PXK: variants seen among roughly 807,000 people sequenced by gnomAD.
The protein encoded by PXK is PX domain-containing protein kinase-like protein.
Under a neutral mutation model 84.7 loss-of-function variants are expected in PXK, and 35 were observed. The ratio of observed to expected loss-of-function variants is 0.41; its 90% CI spans 0.32 to 0.55. The LOEUF is 0.55. PXK is among the 20% of genes least tolerant of loss of function. The probability of loss-of-function intolerance (pLI) is 0.21; values close to 1 mark genes in which losing one functional copy is unlikely to be tolerated. For missense variants in PXK, 634 were observed against 699.7 expected, an observed-to-expected ratio of 0.91 and a Z score of 1.06; for synonymous variants, 253 against 260.8, an observed-to-expected ratio of 0.97 and a Z score of 0.29.
chr3:58,420,463 T>G, intron 17 of PXK: 1 of 1,493,420 alleles, frequency 6.7e-7, no homozygotes, highest in Non-Finnish European at 9.0e-7. Context: ...CTGTTACTAT[T>G]TGATTAAATG....
chr3:58,359,954 C>A (rs2098153166), intron 1 of PXK, among the ~76,000 whole-genome samples: 2 of 152,072 alleles, frequency 1.3e-5, no homozygotes, highest in Non-Finnish European at 2.9e-5. Flanking sequence ...TCGAGACCAG[C>A]CTGAGCAACA....
Position 58,385,135 on chromosome 3 carries a change from C to A in PXK, c.388+2435C>A, listed in dbSNP as rs1425925658. 6.6e-6 allele frequency among the ~76,000 whole-genome samples: 1 copy of A among 152,150 alleles called. No homozygotes were observed. The highest frequency in any genetic ancestry group is 1.9e-4 in the East Asian group (1 of 5,198). ...CTTTGATCTCTACTCCCCCTCCCCACCCCCAGGCCTCCAGCATGGTAGAGA... is the reference window on the plus strand; with the variant it reads ...CTTTGATCTCTACTCCCCCTCCCCAACCCCAGGCCTCCAGCATGGTAGAGA... On this transcript the variant is annotated intron_variant, in intron 4 of 17. Transcript: ENST00000356151. The surrounding 1 kb of genome is among the most constrained non-coding windows in gnomAD (Gnocchi z 5.1).
At chr3:58,367,558 T>C (rs1437343391) in intron 2 of PXK, among the ~76,000 whole-genome samples, 1 of 152,192 alleles carries the variant, frequency 6.6e-6, no homozygotes, top group Non-Finnish European at 1.5e-5. Context: ...CAAAGTTTTA[T>C]GTGACACAGG....
At chr3:58,348,122 CT>C (rs1196555869) in intron 1 of PXK, among the ~76,000 whole-genome samples, 3 of 152,120 alleles carry the variant, frequency 2.0e-5, no homozygotes, top group African/African-American at 7.2e-5. Flanking sequence ...GTTGGCCAGG[CT>C]GGTCTTGAAC....
In PXK at chr3:58,412,973, G is replaced by A. The variant is rs1560124246; in HGVS notation, c.1528+10G>A. 7 of 1,613,904 alleles carry A rather than the reference G, an allele frequency of 4.3e-6. No individual in the cohort carries two copies. Among genetic ancestry groups the A allele is most frequent in the East Asian group, 2.2e-5 (1 of 44,876 alleles). ...CCACCCTCTACATCAGGTTAGTGAT[G>A]GAGTAAAGTGACATGCCACCTTCCT... is the stretch of plus-strand genomic sequence containing the variant. On this transcript the variant is annotated intron_variant, in intron 17 of 17. Coordinates refer to ENST00000356151, the MANE Select transcript of PXK (RefSeq NM_017771.5). The surrounding 1 kb of genome is among the most constrained non-coding windows in gnomAD (Gnocchi z 6.2).
chr3:58,345,225 G>A (rs553340599), intron 1 of PXK, among the ~76,000 whole-genome samples: 1 of 152,280 alleles, frequency 6.6e-6, no homozygotes, highest in Non-Finnish European at 1.5e-5. Context: ...AGGGAACTCG[G>A]AGTGGTTAAC....
At chr3:58,337,796 A>G (rs909044706) in intron 1 of PXK, among the ~76,000 whole-genome samples, 1 of 152,094 alleles carries the variant, frequency 6.6e-6, no homozygotes. Flanking sequence ...CCATTCATAA[A>G]ACAGATGGTT....
chr3:58,419,798 CTG>C (rs2061546153), intron 17 of PXK, among the ~76,000 whole-genome samples: 2 of 152,236 alleles, frequency 1.3e-5, no homozygotes, highest in African/African-American at 4.8e-5. Flanking sequence ...ATTAGGAACT[CTG>C]AGATTTACCA....
chr3:58,422,399 A>T (rs2107825312), intron 17 of PXK: 1 of 985,382 alleles, frequency 1.0e-6, no homozygotes, highest in East Asian at 1.1e-4. Context: ...ATCAAGCCCC[A>T]CCGGACTGCT....
At chr3:58,386,290 C>CTTTTTT (rs752411806) in intron 4 of PXK, among the ~76,000 whole-genome samples, 990 of 82,232 alleles carry the variant, frequency 0.012, 46 homozygotes, top group East Asian at 0.019. Flanking sequence ...ATCCCCCTTA[C>CTTTTTT]TTTTTTTTTT....
At chr3:58,373,716 T>G (rs2098409160) in intron 3 of PXK, among the ~76,000 whole-genome samples, 1 of 152,160 alleles carries the variant, frequency 6.6e-6, no homozygotes, top group South Asian at 2.1e-4. Flanking sequence ...TATGTTCTGT[T>G]TCCTCTGCCT....
intron 17 of PXK, among the ~76,000 whole-genome samples, chr3:58,415,572 C>CT (rs1251943801): frequency 7.2e-5 from 11 of 152,274 alleles, no homozygotes; most frequent in Non-Finnish European, 1.2e-4. Context: ...AAACCCTGCC[C>CT]TCTTGGGCCT....
intron 3 of PXK, among the ~76,000 whole-genome samples, chr3:58,382,180 A>G (rs771162475): frequency 3.3e-5 from 5 of 151,876 alleles, no homozygotes; most frequent in Non-Finnish European, 7.4e-5. Context: ...GCTGGGCGTG[A>G]TGTCACATGC....
chr3:58,361,391 A>G (rs1241003222), intron 1 of PXK, among the ~76,000 whole-genome samples: 1 of 151,866 alleles, frequency 6.6e-6, no homozygotes, highest in African/African-American at 2.4e-5. Context: ...ATAGTACAAT[A>G]TTATAACCAG....
intron 12 of PXK, among the ~76,000 whole-genome samples, chr3:58,403,117 G>A (rs1281284370): frequency 1.3e-5 from 2 of 151,448 alleles, no homozygotes; most frequent in Non-Finnish European, 2.9e-5. Context: ...GGAATCTCCT[G>A]CCTTAGCCTC....
At chr3:58,372,775 T>C (rs9875065) in intron 3 of PXK, among the ~76,000 whole-genome samples, 113,493 of 151,564 alleles carry the variant, frequency 0.75, 42,798 homozygotes, top group East Asian at 0.82. Context: ...TACAGGCACG[T>C]GCCACCATGC....
chr3:58,335,178 C>G (rs980510802), intron 1 of PXK, among the ~76,000 whole-genome samples: 8 of 152,006 alleles, frequency 5.3e-5, no homozygotes, highest in Non-Finnish European at 1.0e-4. Flanking sequence ...CCTGGCCCTG[C>G]AGATCTTTTC....
intron 1 of PXK, among the ~76,000 whole-genome samples, chr3:58,334,810 C>T (rs949830293): frequency 6.6e-6 from 1 of 152,180 alleles, no homozygotes; most frequent in Non-Finnish European, 1.5e-5. Flanking sequence ...TTCAACCTTA[C>T]TATGCCTCTT....
intron 3 of PXK, 29 bp from the exon 4 acceptor site, chr3:58,382,485 A>T: frequency 7.5e-7 from 1 of 1,335,630 alleles, no homozygotes; most frequent in East Asian, 2.5e-5. Context: ...GGATGACATG[A>T]GTGTAACTTT....
Sources: gnomAD v4.1 joint callset for allele counts (sites outside exome capture counted in the v4.1 genomes callset) on GRCh38, gnomAD v4.1.1 for gene constraint, Gnocchi (gnomAD v3.1) non-coding constraint, MANE v1.5 for transcripts, NCBI Gene and HGNC (gene_info 2026-07-23, HGNC 2026-07-21) for gene names.